The following PTCH1 variants were observed in gnomAD, a reference collection of about 807,000 sequenced individuals.
PTCH1 encodes patched 1.
Under a neutral mutation model 144.6 loss-of-function variants are expected in PTCH1, and 14 were observed. The ratio of observed to expected loss-of-function variants is 0.10; its 90% CI spans 0.06 to 0.15. The LOEUF is 0.15. Ranked by LOEUF, PTCH1 falls within the 10% of genes least tolerant of loss-of-function variation. The pLI is 1.00. For synonymous variants in PTCH1, 833 were observed against 793.6 expected, an observed-to-expected ratio of 1.05 and a Z score of -0.83; for missense variants, 1,623 against 1,948.3, an observed-to-expected ratio of 0.83 and a Z score of 3.14.
intron 16 of PTCH1, among the ~76,000 whole-genome samples, chr9:95,460,714 G>A (rs1446971565): frequency 6.6e-6 from 1 of 152,140 alleles, no homozygotes; most frequent in East Asian, 1.9e-4. Flanking sequence ...AGCGCAGCCC[G>A]TGGCCTCTGT....
intron 20 of PTCH1, 124 bp from the exon 21 acceptor site, chr9:95,450,064 T>G (rs946999056): frequency 1.7e-5 from 15 of 874,450 alleles, no homozygotes; most frequent in Non-Finnish European, 7.5e-6. Flanking sequence ...CTGAAAAGGC[T>G]GTTATCCAAC....
rs1442397592 is a variant in PTCH1, at chr9:95,458,647, A to G, written c.2888-354T>C. ...TTTTATTCAATCACTTGCAAGAGCAAAAGAACTCAAGAGTCATGCTTTCCT... is the reference window on the plus strand; with the variant it reads ...TTTTATTCAATCACTTGCAAGAGCAGAAGAACTCAAGAGTCATGCTTTCCT... On this transcript the variant is annotated intron_variant, in intron 17 of 23. Transcript: ENST00000331920. The surrounding 1 kb of genome is among the most constrained non-coding windows in gnomAD (Gnocchi z 4.7). 6.6e-6 allele frequency among the ~76,000 whole-genome samples: 1 copy of G among 152,252 alleles called. No homozygotes were observed. The highest frequency in any genetic ancestry group is 1.9e-4 in the East Asian group (1 of 5,202).
chr9:95,505,220 C>G (rs571775385), intron 2 of PTCH1, among the ~76,000 whole-genome samples: 1 of 152,298 alleles, frequency 6.6e-6, no homozygotes, highest in African/African-American at 2.4e-5. Context: ...CAACAGCATC[C>G]TGAAAGGGAT....
At chr9:95,496,814 CTTT>C (rs1208283812) in intron 2 of PTCH1, among the ~76,000 whole-genome samples, 1 of 151,388 alleles carries the variant, frequency 6.6e-6, no homozygotes, top group African/African-American at 2.4e-5. Context: ...AGGAAAAATT[CTTT>C]TGTTATTTTC....
chr9:95,446,872 G>A, intron 23 of PTCH1, 39 bp downstream of exon 23: 1 of 1,612,384 alleles, frequency 6.2e-7, no homozygotes, highest in African/African-American at 1.3e-5. Context: ...TCTTTGCCTG[G>A]CTCTAGGTCC....
chr9:95,508,005 C>T (rs1843859373), intron 1 of PTCH1, 156 bp downstream of exon 1: 1 of 1,521,314 alleles, frequency 6.6e-7, no homozygotes, highest in Non-Finnish European at 8.8e-7. Flanking sequence ...TTTTCAATCC[C>T]CATTTGTCTG....
chr9:95,476,018 A>G lies in PTCH1; in HGVS notation c.1728+16T>C, dbSNP rs758961945. Reference sequence around the variant, plus strand: ...CCCGTTCAGGATCACCACAGCCTTCATCACCAGAAGCTCACCTGGAGGGAG... The same window carrying G: ...CCCGTTCAGGATCACCACAGCCTTCGTCACCAGAAGCTCACCTGGAGGGAG... On this transcript the variant is annotated intron_variant, in intron 12 of 23. Coordinates refer to ENST00000331920, the MANE Select transcript of PTCH1 (RefSeq NM_000264.5). This position sits in a 1 kb window ranked among gnomAD's most constrained non-coding sequence, Gnocchi z 4.6. 1.2e-6 allele frequency: 2 copies of G among 1,613,412 alleles called. No homozygotes were observed. The highest frequency in any genetic ancestry group is 1.7e-6 in the Non-Finnish European group (2 of 1,180,048).
At chr9:95,493,821 G>T (rs1316105044) in intron 2 of PTCH1, among the ~76,000 whole-genome samples, 1 of 152,012 alleles carries the variant, frequency 6.6e-6, no homozygotes, top group Non-Finnish European at 1.5e-5. Flanking sequence ...AGAAAATTCA[G>T]TAATGTGAGC....
chr9:95,480,016 C>T lies in PTCH1; in HGVS notation c.1020G>A (p.Glu340=), dbSNP rs748171767. 2.5e-6 allele frequency: 4 copies of T among 1,613,990 alleles called. No individual in the cohort carries two copies. The East Asian group carries it at 6.7e-5, about 27-fold the overall frequency. The part of the protein sequence containing the change: ...LSRKYMHWQE[E]LIVGGTVKNS... ...TCTTGACTGTGCCACCCACAATCAACTCCTCCTGCCAGTGCATATACTTTC... is the reference window on the plus strand; with the variant it reads ...TCTTGACTGTGCCACCCACAATCAATTCCTCCTGCCAGTGCATATACTTTC... Residue 340 remains glutamate (E), a synonymous_variant, in exon 7 of 24, where the codon GAG becomes GAA. Transcript: ENST00000331920.
intron 1 of PTCH1, 63 bp from the exon 2 acceptor site, chr9:95,506,662 G>A: frequency 6.9e-7 from 1 of 1,455,116 alleles, no homozygotes; most frequent in Non-Finnish European, 9.1e-7. Context: ...GCCCACGCCC[G>A]CTTGCGCGCA....
chr9:95,476,981 T>C lies in PTCH1; in HGVS notation c.1504-124A>G, dbSNP rs1286483274. On this transcript the variant is annotated intron_variant, in intron 10 of 23. Coordinates refer to ENST00000331920, the MANE Select transcript of PTCH1 (RefSeq NM_000264.5). This position sits in a 1 kb window ranked among gnomAD's most constrained non-coding sequence, Gnocchi z 4.6. ...CTGAAGCAGGGCTTCCGTAACCTCA[T>C]GGTGAAGAATTCACTTGACGTCCCA... 3 of 881,474 alleles carry C rather than the reference T, an allele frequency of 3.4e-6. No homozygotes were observed. Among genetic ancestry groups the C allele is most frequent in the Non-Finnish European group, 5.6e-6 (3 of 537,812 alleles). The allele number at this position is 881,474 out of a possible 1,614,324, so 54.6% of individuals were successfully genotyped here.
upstream of PTCH1, among the ~76,000 whole-genome samples, chr9:95,511,760 T>G (rs1451790970): frequency 6.6e-6 from 1 of 152,222 alleles, no homozygotes; most frequent in Non-Finnish European, 1.5e-5. Flanking sequence ...CTATTCTAGC[T>G]TTTCTTACTG....
intron 23 of PTCH1, 108 bp downstream of exon 23, chr9:95,446,803 G>A (rs142023898): frequency 4.2e-6 from 6 of 1,437,434 alleles, no homozygotes; most frequent in Admixed American, 1.7e-5. Flanking sequence ...AGCGTGGGAT[G>A]TGCCCGAGCG....
upstream of PTCH1, among the ~76,000 whole-genome samples, chr9:95,511,318 A>C (rs1411870287): frequency 6.7e-6 from 1 of 149,142 alleles, no homozygotes; most frequent in African/African-American, 2.5e-5. Context: ...TCCCTCCCTC[A>C]ATCTCCCCTC....
chr9:95,515,761 A>AC (rs1288595557), intron 1 of PTCH1, among the ~76,000 whole-genome samples: 3 of 151,462 alleles, frequency 2.0e-5, no homozygotes, highest in Non-Finnish European at 4.4e-5. Flanking sequence ...CACACACACC[A>AC]CCTCTCTTAC....
intron 2 of PTCH1, among the ~76,000 whole-genome samples, chr9:95,504,961 T>G (rs1843448372): frequency 6.6e-6 from 1 of 152,214 alleles, no homozygotes; most frequent in Non-Finnish European, 1.5e-5. Context: ...GATAAAACCC[T>G]TCTTTTATCT....
At chr9:95,485,626 C>T in intron 3 of PTCH1, 59 bp downstream of exon 3, 1 of 1,602,780 alleles carries the variant, frequency 6.2e-7, no homozygotes, top group Non-Finnish European at 8.5e-7. Flanking sequence ...CCTAAACCAG[C>T]AGCCTTCTCC....
At chr9:95,477,743 A>G (rs753904689) in intron 9 of PTCH1, 41 bp from the exon 10 acceptor site, 25 of 1,610,748 alleles carry the variant, frequency 1.6e-5, no homozygotes, top group Non-Finnish European at 2.0e-5. Flanking sequence ...AAAGCCGAAC[A>G]TTAGAATGTG....
chr9:95,477,628 G>T lies in PTCH1; in HGVS notation c.1422C>A (p.Val474=). 1 of 1,614,212 alleles carries T rather than the reference G, an allele frequency of 6.2e-7. No individual in the cohort carries two copies. The highest frequency in any genetic ancestry group is 8.5e-7 in the Non-Finnish European group (1 of 1,180,040). Residue 474 remains valine (V), a synonymous_variant, in exon 10 of 24, where the codon GTC becomes GTA. Coordinates refer to ENST00000331920, the MANE Select transcript of PTCH1 (RefSeq NM_000264.5). ...CAGCCACTGACAGTGCAACCAGCAG[G>T]ACGCCAGCCAGCCCCACGGCACCCT... is the stretch of plus-strand genomic sequence containing the variant. ...KSQGAVGLAG[V]LLVALSVAAG...
Sources: gnomAD v4.1 joint callset for allele counts (sites outside exome capture counted in the v4.1 genomes callset) on GRCh38, gnomAD v4.1.1 for gene constraint, Gnocchi (gnomAD v3.1) non-coding constraint, MANE v1.5 for transcripts, NCBI Gene and HGNC (gene_info 2026-07-23, HGNC 2026-07-21) for gene names.